Variants in DENND5A observed in about 807,000 individuals in gnomAD.
The protein encoded by DENND5A is DENN domain-containing protein 5A.
A neutral mutation model predicts 140.3 loss-of-function variants in DENND5A; 64 were observed. That is an observed-to-expected ratio of 0.46 (90% CI 0.37 to 0.56). The LOEUF is 0.56. DENND5A is among the 20% of genes least tolerant of loss of function. The probability of loss-of-function intolerance (pLI) is 0.00; values close to 1 mark genes in which losing one functional copy is unlikely to be tolerated. For missense variants in DENND5A, 1,292 were observed against 1,593.8 expected (o/e 0.81, Z 3.22); for synonymous variants, 605 against 607.7 (o/e 1.00, Z 0.07).
At chr11:9,162,293 C>G (rs1454750753) in intron 11 of DENND5A, among the ~76,000 whole-genome samples, 1 of 132,240 alleles carries the variant, frequency 7.6e-6, no homozygotes, top group Non-Finnish European at 1.5e-5. Context: ...GGCTGGAGTG[C>G]AATGGCACAA....
chr11:9,198,211 T>C (rs186010956), intron 4 of DENND5A, among the ~76,000 whole-genome samples: 1 of 151,848 alleles, frequency 6.6e-6, no homozygotes, highest in Admixed American at 6.6e-5. Flanking sequence ...ATTAGGCATA[T>C]CATGAAGCAA....
intron 20 of DENND5A, 182 bp from the exon 21 acceptor site, chr11:9,143,027 G>A (rs1847299075): frequency 4.4e-6 from 3 of 675,866 alleles, no homozygotes; most frequent in Non-Finnish European, 7.3e-6. Flanking sequence ...AAGAGCTGCT[G>A]AATAAATGGA....
At chr11:9,185,447 G>A (rs1848877891) in intron 5 of DENND5A, among the ~76,000 whole-genome samples, 1 of 152,124 alleles carries the variant, frequency 6.6e-6, no homozygotes, top group Non-Finnish European at 1.5e-5. Flanking sequence ...TTCCTTGAGT[G>A]TGTATCCCTA....
rs755833724 is a variant in DENND5A, at chr11:9,264,996, T to C, written c.74A>G (p.Asp25Gly). The C allele has an allele frequency of 3.1e-6, 5 of 1,589,184 alleles. No homozygotes were observed. The South Asian group carries it at 5.7e-5, about 18-fold the overall frequency. ...GTCCGGCTCCAGCCCGGTCTCCGTG[T>C]CCAGTCCGCAGATGACAAAGTAGTC... ...FADYFVICGL[D>G]TETGLEPDEL... Residue 25 changes from aspartate (D) to glycine (G), a missense_variant, in exon 1 of 23, where the codon GAC becomes GGC. Around this residue, in one of 4 missense-constraint regions of DENND5A, gnomAD observed 566 missense variants for 650.4 expected, o/e 0.87. Coordinates refer to ENST00000328194, the MANE Select transcript of DENND5A (RefSeq NM_015213.4).
intron 1 of DENND5A, among the ~76,000 whole-genome samples, chr11:9,260,629 C>T (rs1852155795): frequency 6.6e-6 from 1 of 152,164 alleles, no homozygotes; most frequent in African/African-American, 2.4e-5. Context: ...CCTTCTTCTC[C>T]TTCTAGCCCA....
intron 1 of DENND5A, among the ~76,000 whole-genome samples, chr11:9,245,727 A>C (rs993196619): frequency 2.0e-5 from 3 of 151,992 alleles, no homozygotes; most frequent in African/African-American, 7.2e-5. Context: ...TCCGCCTCCC[A>C]AATTCAAGTG....
intron 1 of DENND5A, among the ~76,000 whole-genome samples, chr11:9,227,242 C>T (rs960319442): frequency 5.3e-5 from 8 of 151,868 alleles, no homozygotes; most frequent in African/African-American, 1.5e-4. Context: ...ATTTTCTCCA[C>T]TCAATCACCA....
At chr11:9,263,423 T>A (rs1367041024) in intron 1 of DENND5A, among the ~76,000 whole-genome samples, 2 of 151,232 alleles carry the variant, frequency 1.3e-5, no homozygotes, top group African/African-American at 4.8e-5. Context: ...GGTTTCACCA[T>A]GTTGGCCAAA....
At chr11:9,213,186 A>T (rs532732924) in intron 1 of DENND5A, among the ~76,000 whole-genome samples, 1 of 151,746 alleles carries the variant, frequency 6.6e-6, no homozygotes, top group South Asian at 2.1e-4. Context: ...TTGTATTTTA[A>T]ATAGTGACGG....
chr11:9,208,036 T>C (rs549712755), intron 1 of DENND5A, among the ~76,000 whole-genome samples: 22 of 152,240 alleles, frequency 1.4e-4, no homozygotes, highest in African/African-American at 5.3e-4. Flanking sequence ...GTGGGACAAA[T>C]TAAATGCATA....
chr11:9,223,638 G>C (rs549680910), intron 1 of DENND5A, among the ~76,000 whole-genome samples: 2 of 152,236 alleles, frequency 1.3e-5, no homozygotes, highest in African/African-American at 4.8e-5. Flanking sequence ...AGGATTGCTC[G>C]AGCCAGGGAG....
At chr11:9,185,470 ATGT>A (rs1487634510) in intron 5 of DENND5A, among the ~76,000 whole-genome samples, 1 of 152,116 alleles carries the variant, frequency 6.6e-6, no homozygotes, top group Non-Finnish European at 1.5e-5. Flanking sequence ...GTATATCTAA[ATGT>A]TGTTTCATTG....
At chr11:9,142,996 G>T in intron 20 of DENND5A, 151 bp from the exon 21 acceptor site, 2 of 948,260 alleles carry the variant, frequency 2.1e-6, no homozygotes, top group African/African-American at 1.7e-5. Context: ...CACAGTGCCT[G>T]GCTCAGAGCA....
chr11:9,215,742 G>A (rs1850066079), intron 1 of DENND5A, among the ~76,000 whole-genome samples: 1 of 151,884 alleles, frequency 6.6e-6, no homozygotes, highest in African/African-American at 2.4e-5. Context: ...TAAAGATAGG[G>A]TTTCGCCGTG....
intron 8 of DENND5A, among the ~76,000 whole-genome samples, chr11:9,172,575 T>C (rs533870457): frequency 6.6e-6 from 1 of 152,296 alleles, no homozygotes; most frequent in South Asian, 2.1e-4. Context: ...TGAGTTCTCA[T>C]AGATGTGATG....
At chr11:9,180,692 A>T in intron 6 of DENND5A, 75 bp downstream of exon 6, 1 of 1,443,726 alleles carries the variant, frequency 6.9e-7, no homozygotes, top group Non-Finnish European at 9.4e-7. Context: ...GTGCTTTCTC[A>T]TCCCATACCT....
intron 4 of DENND5A, among the ~76,000 whole-genome samples, chr11:9,197,133 C>A (rs1019979209): frequency 1.3e-5 from 2 of 150,550 alleles, no homozygotes; most frequent in East Asian, 2.0e-4. Flanking sequence ...AGCAAAACCC[C>A]GTCTCTACTA....
At chr11:9,248,468 T>C (rs544245713) in intron 1 of DENND5A, among the ~76,000 whole-genome samples, 23 of 151,480 alleles carry the variant, frequency 1.5e-4, no homozygotes, top group African/African-American at 5.3e-4. Context: ...CTGGGCAACA[T>C]AGTGACACAC....
Position 9,139,608 on chromosome 11 carries a change from G to A in DENND5A, c.*63C>T. ...TGCACAATCGCTTAAGTCCCTTTGG[G>A]AAAAAAGGTCAGAGCTGCAGGGTGA... On this transcript the variant is annotated 3_prime_UTR_variant, in exon 23 of 23. Coordinates refer to ENST00000328194, the MANE Select transcript of DENND5A (RefSeq NM_015213.4). The A allele has an allele frequency of 6.6e-7, 1 of 1,522,542 alleles. No individual in the cohort carries two copies. The highest frequency in any genetic ancestry group is 1.9e-5 in the Admixed American group (1 of 53,008). The allele number at this position is 1,522,542 out of a possible 1,614,324, so 94.3% of individuals were successfully genotyped here. A position where few individuals can be genotyped will look rare whatever the true frequency, so the allele number is the denominator to read the frequency against.
Sources: allele counts gnomAD v4.1 joint callset (sites outside exome capture counted in the v4.1 genomes callset), GRCh38; gene constraint gnomAD v4.1.1; regional missense constraint gnomAD v4.1.1; transcripts MANE v1.5; gene names NCBI Gene and HGNC (gene_info 2026-07-23, HGNC 2026-07-21).